FABP12: variants seen among roughly 807,000 people sequenced by gnomAD.
FABP12 encodes the protein fatty acid binding protein 12, also known as fatty acid-binding protein 12.
A neutral mutation model predicts 13.7 loss-of-function variants in FABP12; 19 were observed. The ratio of observed to expected loss-of-function variants is 1.39; its 90% CI spans 0.97 to 2.04. FABP12 has a LOEUF of 2.04. Among genes scored for constraint, FABP12 ranks in the 30% most tolerant of loss-of-function variants. The pLI, the probability that FABP12 is intolerant of heterozygous loss-of-function variation, is 0.00. For missense variants in FABP12, 182 were observed against 164.2 expected, an observed-to-expected ratio of 1.11 and a Z score of -0.59; for synonymous variants, 61 against 57.0, an observed-to-expected ratio of 1.07 and a Z score of -0.32.
intron 1 of FABP12, among the ~76,000 whole-genome samples, chr8:81,587,035 T>C (rs1482132831): frequency 2.6e-5 from 4 of 152,200 alleles, no homozygotes; most frequent in Non-Finnish European, 4.4e-5. Context: ...CCCAGCACCA[T>C]TTGTTGAACA....
rs934929205 is a variant in FABP12, at chr8:81,526,871, G to T, written c.348+149C>A. 3.2e-4 allele frequency: 180 copies of T among 565,080 alleles called. 1 individual carries two copies. Among genetic ancestry groups the T allele is most frequent in the Middle Eastern group, 1.4e-3 (4 of 2,868 alleles). 35.0% of individuals were successfully genotyped at this position (565,080 alleles called of 1,614,324 possible). On this transcript the variant is annotated intron_variant, in intron 4 of 4. Transcript: ENST00000360464. ...CACACACATTTTATATAATGCTTAC[G>T]ATTATACATTTATCTCATAATTTTT...
At chr8:81,529,226 A>G in intron 3 of FABP12, 1 of 593,848 alleles carries the variant, frequency 1.7e-6, no homozygotes. Context: ...TTAAAAATGC[A>G]ATTTTCAGGG....
At chr8:81,528,368 C>T (rs113920675) in intron 3 of FABP12, among the ~76,000 whole-genome samples, 2,406 of 152,192 alleles carry the variant, frequency 0.016, 58 homozygotes, top group African/African-American at 0.055. Flanking sequence ...CATGAGCTAC[C>T]GCACCCAACC....
chr8:81,589,247 C>G (rs1354724588), intron 1 of FABP12, among the ~76,000 whole-genome samples: 2 of 152,090 alleles, frequency 1.3e-5, no homozygotes, highest in Admixed American at 6.5e-5. Context: ...TTAAAATGAA[C>G]AGAAATGAAT....
chr8:81,525,542 A>G (rs997758187), intron 4 of FABP12, among the ~76,000 whole-genome samples: 1 of 151,080 alleles, frequency 6.6e-6, no homozygotes, highest in African/African-American at 2.5e-5. Flanking sequence ...AGATAGATAG[A>G]TAGATAGATA....
intron 4 of FABP12, among the ~76,000 whole-genome samples, 168 bp downstream of exon 4, chr8:81,526,852 C>CAT (rs756329909): frequency 1.9e-4 from 29 of 152,190 alleles, no homozygotes; most frequent in Non-Finnish European, 2.5e-4. Context: ...AATCCACACA[C>CAT]ATTTTATATA....
chr8:81,525,248 G>A (rs948458986), intron 4 of FABP12, 128 bp from the exon 5 acceptor site: 6 of 609,216 alleles, frequency 9.8e-6, no homozygotes, highest in African/African-American at 9.5e-5. Flanking sequence ...GGGCGCGGTG[G>A]CTCACACCTG....
intron 1 of FABP12, among the ~76,000 whole-genome samples, chr8:81,587,945 T>A (rs1286711083): frequency 3.3e-5 from 5 of 151,998 alleles, no homozygotes; most frequent in African/African-American, 9.7e-5. Context: ...TGGTCAAAGG[T>A]CCAAGAGTCC....
At chr8:81,567,298 A>G (rs1490783597) in intron 1 of FABP12, among the ~76,000 whole-genome samples, 3 of 152,222 alleles carry the variant, frequency 2.0e-5, no homozygotes, top group African/African-American at 7.2e-5. Context: ...GCACAGAAAT[A>G]GAAAAAATAA....
At chr8:81,540,791 A>G (rs1419687506) in intron 1 of FABP12, among the ~76,000 whole-genome samples, 1 of 152,206 alleles carries the variant, frequency 6.6e-6, no homozygotes, top group African/African-American at 2.4e-5. Flanking sequence ...TGTTAACATT[A>G]GGGGAAGCAG....
At chr8:81,546,064 T>C (rs1372614596) in intron 1 of FABP12, among the ~76,000 whole-genome samples, 1 of 152,162 alleles carries the variant, frequency 6.6e-6, no homozygotes, top group African/African-American at 2.4e-5. Flanking sequence ...AATTAATGAC[T>C]TCATCATACA....
intron 1 of FABP12, among the ~76,000 whole-genome samples, chr8:81,565,990 A>G (rs1474671197): frequency 6.6e-6 from 1 of 152,060 alleles, no homozygotes; most frequent in Non-Finnish European, 1.5e-5. Flanking sequence ...AAACATTACA[A>G]CTGATACCAC....
At chr8:81,558,593 C>A (rs1809662514) in intron 1 of FABP12, among the ~76,000 whole-genome samples, 1 of 151,984 alleles carries the variant, frequency 6.6e-6, no homozygotes, top group Non-Finnish European at 1.5e-5. Context: ...CATTTAAGTG[C>A]ATAGAAGTTG....
chr8:81,579,138 A>G (rs151194059), intron 1 of FABP12, among the ~76,000 whole-genome samples: 2,570 of 152,076 alleles, frequency 0.017, 31 homozygotes, highest in Middle Eastern at 0.044. Context: ...TCAAGTGTCT[A>G]TTTTGATGTT....
At chr8:81,571,764 T>C (rs193013677) in intron 1 of FABP12, among the ~76,000 whole-genome samples, 10 of 152,310 alleles carry the variant, frequency 6.6e-5, no homozygotes, top group Non-Finnish European at 1.3e-4. Flanking sequence ...TGCTTTGCAT[T>C]CACTGAAACG....
intron 1 of FABP12, among the ~76,000 whole-genome samples, chr8:81,567,580 G>A (rs544577287): frequency 1.7e-3 from 266 of 152,286 alleles, no homozygotes; most frequent in South Asian, 3.3e-3. Flanking sequence ...TCAATAAATG[G>A]TGCTGGAGAA....
intron 1 of FABP12, among the ~76,000 whole-genome samples, chr8:81,557,166 C>T (rs899083631): frequency 2.6e-5 from 4 of 152,108 alleles, no homozygotes; most frequent in African/African-American, 9.7e-5. Context: ...TGAGCCACCG[C>T]ACCTGGCCAA....
chr8:81,554,806 A>T (rs528320488), intron 1 of FABP12, among the ~76,000 whole-genome samples: 152 of 147,374 alleles, frequency 1.0e-3, no homozygotes, highest in African/African-American at 3.7e-3. Context: ...GATGAGCTTA[A>T]AAAAAAAATC....
intron 1 of FABP12, 130 bp from the exon 2 acceptor site, chr8:81,531,520 A>C: frequency 1.9e-6 from 1 of 526,102 alleles, no homozygotes; most frequent in East Asian, 3.2e-5. Context: ...ATTTAAATAC[A>C]TCAGGATGAA....
Sources: gnomAD v4.1 joint callset for allele counts (sites outside exome capture counted in the v4.1 genomes callset) on GRCh38, gnomAD v4.1.1 for gene constraint, MANE v1.5 for transcripts, NCBI Gene and HGNC (gene_info 2026-07-23, HGNC 2026-07-21) for gene names.